UBA5: variants seen among roughly 807,000 people sequenced by gnomAD.
UBA5 encodes the protein ubiquitin-like modifier-activating enzyme 5.
In UBA5, 28 loss-of-function variants were observed where a neutral mutation model predicts 52.9. The ratio of observed to expected loss-of-function variants is 0.53; its 90% CI spans 0.39 to 0.73. The LOEUF (loss-of-function observed/expected upper bound fraction) is 0.73, where lower values mean the gene tolerates loss of function less well. Among genes scored for constraint, UBA5 ranks in the 30% least tolerant of loss-of-function variants. The pLI is 0.00. For synonymous variants in UBA5, 135 were observed against 162.1 expected (o/e 0.83, Z 1.27); for missense variants, 388 against 492.7 (o/e 0.79, Z 2.01).
At chr3:132,662,833 A>C (rs1387137110) in intron 1 of UBA5, among the ~76,000 whole-genome samples, 1 of 152,196 alleles carries the variant, frequency 6.6e-6, no homozygotes, top group Non-Finnish European at 1.5e-5. Flanking sequence ...TGGGCAGTTG[A>C]TTAACCCAAA....
At chr3:132,657,367 A>G (rs1937864620), upstream of UBA5, among the ~76,000 whole-genome samples, 1 of 152,054 alleles carries the variant, frequency 6.6e-6, no homozygotes, top group Non-Finnish European at 1.5e-5. Flanking sequence ...TACCATCTTA[A>G]CTCAAATTTC....
In UBA5 at chr3:132,678,164, A is replaced by G. The variant is rs1282411664; in HGVS notation, c.*1638A>G. The G allele has an allele frequency of 6.6e-6, 1 of 152,158 alleles. No individual in the cohort carries two copies. Among genetic ancestry groups the G allele is most frequent in the African/African-American group, 2.4e-5 (1 of 41,434 alleles). The allele number at this position is 152,158 out of a possible 1,614,324, so 9.4% of individuals were successfully genotyped here. On this transcript the variant is annotated 3_prime_UTR_variant, in exon 12 of 12. Coordinates refer to ENST00000356232, the MANE Select transcript of UBA5 (RefSeq NM_024818.6). ...GGCATTGCATCACTGCCTGTGTCTT[A>G]CACTGCACCAAATGTTACCTAATTG...
chr3:132,668,096 A>G (rs1481592174), intron 3 of UBA5: 1 of 152,030 alleles, frequency 6.6e-6, no homozygotes, highest in Non-Finnish European at 1.5e-5. Flanking sequence ...TGAAGAAGGG[A>G]CAGGAAGTCC....
upstream of UBA5, among the ~76,000 whole-genome samples, chr3:132,658,928 C>G (rs1040358683): frequency 6.6e-6 from 1 of 152,208 alleles, no homozygotes. Flanking sequence ...AACTCCCAGA[C>G]AGCAAGTGAC....
At chr3:132,675,984 T>C in intron 11 of UBA5, 61 bp downstream of exon 11, 1 of 1,122,752 alleles carries the variant, frequency 8.9e-7, no homozygotes. Flanking sequence ...ATCATCTTCA[T>C]TCTAATTTGT....
rs1282751606 is a variant in UBA5, at chr3:132,676,126, T to C, written c.1131+203T>C. ...TAAAACATAGAATAAAATGGTTTTGTTCACTCATTAATGAACCAAGTATAG... is the reference window on the plus strand; with the variant it reads ...TAAAACATAGAATAAAATGGTTTTGCTCACTCATTAATGAACCAAGTATAG... On this transcript the variant is annotated intron_variant, in intron 11 of 11. Transcript: ENST00000356232. This position sits in a 1 kb window ranked among gnomAD's most constrained non-coding sequence, Gnocchi z 4.1. 6.6e-6 allele frequency among the ~76,000 whole-genome samples: 1 copy of C among 152,138 alleles called. No individual in the cohort carries two copies. Among genetic ancestry groups the C allele is most frequent in the Non-Finnish European group, 1.5e-5 (1 of 67,970 alleles).
Position 132,660,448 on chromosome 3 carries a change from A to C in UBA5, c.-90A>C. On this transcript the variant is annotated 5_prime_UTR_variant, in exon 1 of 12. Coordinates refer to ENST00000356232, the MANE Select transcript of UBA5 (RefSeq NM_024818.6). This position sits in a 1 kb window ranked among gnomAD's most constrained non-coding sequence, Gnocchi z 4.1. ...GAAGGCAGCGGCGAGGTGCCTCCCC[A>C]CGTACCCCTCGCGGGCCCAGCCGAG... 6.7e-7 allele frequency: 1 copy of C among 1,498,268 alleles called. No individual in the cohort carries two copies. Among genetic ancestry groups the C allele is most frequent in the Non-Finnish European group, 9.0e-7 (1 of 1,117,236 alleles). 92.8% of individuals were successfully genotyped at this position (1,498,268 alleles called of 1,614,324 possible).
intron 1 of UBA5, among the ~76,000 whole-genome samples, chr3:132,664,597 C>T (rs1425089359): frequency 2.6e-5 from 4 of 152,068 alleles, no homozygotes; most frequent in South Asian, 2.1e-4. Context: ...ATTTCTGATT[C>T]AGTGGGTGAT....
chr3:132,654,529 G>A (rs1260040242), exon 1 of UBA5: 3 of 152,212 alleles, frequency 2.0e-5, no homozygotes, highest in African/African-American at 7.2e-5. Flanking sequence ...TGAAGATAAT[G>A]GCCATGGAGA....
At chr3:132,662,398 G>C (rs1432890092) in intron 1 of UBA5, among the ~76,000 whole-genome samples, 1 of 152,178 alleles carries the variant, frequency 6.6e-6, no homozygotes, top group Admixed American at 6.5e-5. Context: ...TGAATATAAA[G>C]TAGACATGGT....
At chr3:132,664,221 C>T (rs1158571724) in intron 1 of UBA5, among the ~76,000 whole-genome samples, 2 of 152,118 alleles carry the variant, frequency 1.3e-5, no homozygotes, top group African/African-American at 2.4e-5. Flanking sequence ...TTAAGGCACA[C>T]TGTGAAATTT....
intron 10 of UBA5, 28 bp from the exon 11 acceptor site, chr3:132,675,789 A>C: frequency 6.4e-7 from 1 of 1,574,318 alleles, no homozygotes; most frequent in Non-Finnish European, 8.7e-7. Flanking sequence ...TAAATTCCTT[A>C]AAAACTGACA....
In UBA5 at chr3:132,660,362, A is replaced by G. The variant is rs1244070357; in HGVS notation, c.-176A>G. 1.4e-6 allele frequency: 1 copy of G among 740,680 alleles called. No homozygotes were observed. The highest frequency in any genetic ancestry group is 4.0e-4 in the Middle Eastern group (1 of 2,530). 45.9% of individuals were successfully genotyped at this position (740,680 alleles called of 1,614,324 possible). A position where few individuals can be genotyped will look rare whatever the true frequency, so the allele number is the denominator to read the frequency against. ...AGCGGCTCCGAGGAAGGCCTGTGGG[A>G]GTCTCGGAGACGTGTCTGTCTGTGA... On this transcript the variant is annotated 5_prime_UTR_variant, in exon 1 of 12. Coordinates refer to ENST00000356232, the MANE Select transcript of UBA5 (RefSeq NM_024818.6). The surrounding 1 kb of genome is among the most constrained non-coding windows in gnomAD (Gnocchi z 4.1).
At position 132,671,880 on chromosome 3, in the gene UBA5, C is replaced by T. The variant is rs35064843; in HGVS notation, c.683C>T (p.Ala228Val). 4,756 of 1,611,406 alleles carry T rather than the reference C, an allele frequency of 3.0e-3. 98 individuals are homozygous for T. The African/African-American group carries it at 0.054, about 18-fold the overall frequency. Residue 228 changes from alanine (A) to valine (V), a missense_variant and splice_region_variant, in exon 7 of 12, where the codon GCG becomes GTG. Physicochemically the swap from Ala to Val is moderately conservative, Grantham distance 64. Around this residue, in one of 3 missense-constraint regions of UBA5, gnomAD observed 277 missense variants for 326.4 expected, o/e 0.85. Coordinates refer to ENST00000356232, the MANE Select transcript of UBA5 (RefSeq NM_024818.6). ...LIIPGESACFACAPPLVVAAN... is the reference protein window; with the variant it reads ...LIIPGESACFVCAPPLVVAAN... ...ATTCCTGGAGAATCTGCTTGTTTTG[C>T]GGTATGCATTATTCTTTTTGGAATA...
chr3:132,670,068 G>C lies in UBA5; in HGVS notation c.408-130G>C, dbSNP rs1363691839. ...AGACAGGGTCTCACTCTGTCCCCCA[G>C]GTTGGGGTGCAGTGGGTGCGATGAT... On this transcript the variant is annotated intron_variant, in intron 4 of 11. Transcript: ENST00000356232. 4.4e-5 allele frequency: 26 copies of C among 588,592 alleles called. 1 individual carries two copies. The South Asian group carries it at 4.9e-4, about 11-fold the overall frequency. The allele number at this position is 588,592 out of a possible 1,614,324, so 36.5% of individuals were successfully genotyped here. A position where few individuals can be genotyped will look rare whatever the true frequency, so the allele number is the denominator to read the frequency against.
At chr3:132,665,400 A>G (rs1938334882) in intron 1 of UBA5, among the ~76,000 whole-genome samples, 1 of 152,108 alleles carries the variant, frequency 6.6e-6, no homozygotes, top group South Asian at 2.1e-4. Context: ...AAAAGTATAC[A>G]TCATCTATTG....
chr3:132,660,955 T>A lies in UBA5; in HGVS notation c.161+257T>A, dbSNP rs1037570354. 6.7e-7 allele frequency: 1 copy of A among 1,491,924 alleles called. No individual in the cohort carries two copies. The highest frequency in any genetic ancestry group is 8.9e-7 in the Non-Finnish European group (1 of 1,119,978). The allele number at this position is 1,491,924 out of a possible 1,614,324, so 92.4% of individuals were successfully genotyped here. A position where few individuals can be genotyped will look rare whatever the true frequency, so the allele number is the denominator to read the frequency against. On this transcript the variant is annotated intron_variant, in intron 1 of 11. Coordinates refer to ENST00000356232, the MANE Select transcript of UBA5 (RefSeq NM_024818.6). This position sits in a 1 kb window ranked among gnomAD's most constrained non-coding sequence, Gnocchi z 4.1. ...TGCTGAGGACGTGTGTCCAGTTTCC[T>A]ATCACCCTTGCCTCTTAATTAGTCC...
chr3:132,669,137 G>A (rs1425259202), intron 4 of UBA5, among the ~76,000 whole-genome samples: 1 of 152,152 alleles, frequency 6.6e-6, no homozygotes, highest in East Asian at 1.9e-4. Context: ...CAGATATTCT[G>A]TTGGAACTGT....
chr3:132,676,862 T>C lies in UBA5; in HGVS notation c.*336T>C, dbSNP rs1480255597. On this transcript the variant is annotated 3_prime_UTR_variant, in exon 12 of 12. Transcript: ENST00000356232. This position sits in a 1 kb window ranked among gnomAD's most constrained non-coding sequence, Gnocchi z 4.1. ...TAATCTTTTTCTTTCCAGTAATCCC[T>C]TGTGTCTGTTGCATGAGGACATGGA... The C allele has an allele frequency of 2.2e-6, 1 of 461,734 alleles. No homozygotes were observed. The highest frequency in any genetic ancestry group is 2.0e-5 in the African/African-American group (1 of 50,484). The allele number at this position is 461,734 out of a possible 1,614,324, so 28.6% of individuals were successfully genotyped here.
Sources: gnomAD v4.1 joint callset for allele counts (sites outside exome capture counted in the v4.1 genomes callset) on GRCh38, gnomAD v4.1.1 for gene constraint, gnomAD v4.1.1 regional missense constraint, Gnocchi (gnomAD v3.1) non-coding constraint, MANE v1.5 for transcripts, NCBI Gene and HGNC (gene_info 2026-07-23, HGNC 2026-07-21) for gene names.